MEGF10: variants seen among roughly 807,000 people sequenced by gnomAD.
MEGF10 encodes the protein multiple EGF like domains 10.
In MEGF10, 86 loss-of-function variants were observed where a neutral mutation model predicts 147.5. That is an observed-to-expected ratio of 0.58 (90% confidence interval 0.49 to 0.70). The LOEUF is 0.70. MEGF10 is among the 30% of genes least tolerant of loss of function. The pLI is 0.00. For missense variants in MEGF10, 1,329 were observed against 1,487.3 expected (o/e 0.89, Z 1.75); for synonymous variants, 478 against 525.5 (o/e 0.91, Z 1.24).
intron 5 of MEGF10, among the ~76,000 whole-genome samples, chr5:127,380,560 C>T (rs901218605): frequency 6.6e-5 from 10 of 151,576 alleles, no homozygotes; most frequent in South Asian, 2.1e-4. Flanking sequence ...CATTGTCACC[C>T]GGGCTGGAGT....
chr5:127,435,681 A>G (rs762172007), intron 16 of MEGF10, among the ~76,000 whole-genome samples, 192 bp downstream of exon 16: 2 of 150,856 alleles, frequency 1.3e-5, no homozygotes, highest in African/African-American at 2.4e-5. Flanking sequence ...CAATGGTCCT[A>G]TGTTTAAATC....
chr5:127,321,059 G>A (rs1039528412), intron 1 of MEGF10, among the ~76,000 whole-genome samples: 4 of 152,190 alleles, frequency 2.6e-5, no homozygotes, highest in African/African-American at 9.7e-5. Flanking sequence ...CAATACACAG[G>A]TGAAGTGTTA....
At chr5:127,231,297 T>G in the MEGF10 span, among the ~76,000 whole-genome samples, 1 of 152,256 alleles carries the variant, frequency 6.6e-6, no homozygotes, top group Admixed American at 6.5e-5. Flanking sequence ...AGATCCTCCA[T>G]GAGCTCATCC....
rs1491263807 is a variant in MEGF10, at chr5:127,325,910, T to TATA, written c.-18-5381_-18-5380insATA. ...GTGTATATATATATATATATATATA[T>TATA]TTTTTTTTTTTTAAGACAGGGACTT... On this transcript the variant is annotated intron_variant, in intron 1 of 24. Coordinates refer to ENST00000503335, the MANE Select transcript of MEGF10 (RefSeq NM_001256545.2). Among the ~76,000 whole-genome samples, 19 of 17,644 alleles carry TATA rather than the reference T, an allele frequency of 1.1e-3. 1 individual carries two copies. Among genetic ancestry groups the TATA allele is most frequent in the South Asian group, 8.3e-3 (7 of 848 alleles). 11.6% of individuals were successfully genotyped at this position (17,644 alleles called of 152,430 possible).
intron 5 of MEGF10, among the ~76,000 whole-genome samples, chr5:127,385,410 T>G (rs1252846579): frequency 6.6e-6 from 1 of 152,078 alleles, no homozygotes; most frequent in Admixed American, 6.5e-5. Context: ...AGTGCTGGGA[T>G]TACAGGTACG....
intron 1 of MEGF10, among the ~76,000 whole-genome samples, chr5:127,297,386 A>G (rs1759550062): frequency 6.6e-6 from 1 of 152,220 alleles, no homozygotes; most frequent in Admixed American, 6.5e-5. Context: ...ATGCCCATAT[A>G]AAATATCTCA....
At chr5:127,354,158 T>A (rs528309251) in intron 4 of MEGF10, among the ~76,000 whole-genome samples, 2 of 152,206 alleles carry the variant, frequency 1.3e-5, no homozygotes, top group African/African-American at 4.8e-5. Flanking sequence ...GGTGTCTATA[T>A]GAAAAATAGT....
intron 4 of MEGF10, among the ~76,000 whole-genome samples, chr5:127,358,002 G>A (rs939068302): frequency 6.6e-6 from 1 of 152,162 alleles, no homozygotes; most frequent in Admixed American, 6.5e-5. Context: ...TTGAGTTTGT[G>A]TTCCCTGGTT....
chr5:127,374,573 C>T (rs1339063695), intron 5 of MEGF10, among the ~76,000 whole-genome samples: 1 of 152,142 alleles, frequency 6.6e-6, no homozygotes, highest in African/African-American at 2.4e-5. Context: ...TGAACATGCT[C>T]ATACTCTCTT....
chr5:127,434,327 CTTAT>C, intron 14 of MEGF10, among the ~76,000 whole-genome samples: 1 of 152,134 alleles, frequency 6.6e-6, no homozygotes, highest in Non-Finnish European at 1.5e-5. Context: ...TTTGAGAGTA[CTTAT>C]TTGAGACTTA....
In MEGF10 at chr5:127,445,272, A is replaced by G. The variant is rs1295952130; in HGVS notation, c.2492-185A>G. 7 of 598,746 alleles carry G rather than the reference A, an allele frequency of 1.2e-5. No individual in the cohort carries two copies. The East Asian group carries it at 2.0e-4, about 17-fold the overall frequency. The allele number at this position is 598,746 out of a possible 1,614,324, so 37.1% of individuals were successfully genotyped here. On this transcript the variant is annotated intron_variant, in intron 19 of 24. Coordinates refer to ENST00000503335, the MANE Select transcript of MEGF10 (RefSeq NM_001256545.2). ...GGCTTACAGCAGCCTTTCTCTGGGC[A>G]TGGATAGGCCGACAACATCTGACAA... is the stretch of plus-strand genomic sequence containing the variant.
At chr5:127,385,002 G>T (rs932063710) in intron 5 of MEGF10, among the ~76,000 whole-genome samples, 1 of 152,184 alleles carries the variant, frequency 6.6e-6, no homozygotes, top group African/African-American at 2.4e-5. Flanking sequence ...GGCTTAAGAA[G>T]AAAGGGTGTA....
intron 13 of MEGF10, among the ~76,000 whole-genome samples, chr5:127,431,226 A>C (rs1231845671): frequency 1.3e-5 from 2 of 152,204 alleles, no homozygotes; most frequent in Non-Finnish European, 2.9e-5. Flanking sequence ...AAGTTATGAA[A>C]GAGAGGATCT....
At chr5:127,251,063 A>G in the MEGF10 span, among the ~76,000 whole-genome samples, 5 of 152,086 alleles carry the variant, frequency 3.3e-5, no homozygotes, top group African/African-American at 1.2e-4. Flanking sequence ...TAGAAATGTA[A>G]TGCAATCCTA....
chr5:127,331,273 A>AT lies in MEGF10; in HGVS notation c.-18-12dup, dbSNP rs774762160. 2.2e-5 allele frequency: 29 copies of AT among 1,335,974 alleles called. No individual in the cohort carries two copies. The Admixed American group carries it at 3.5e-4, about 16-fold the overall frequency. The allele number at this position is 1,335,974 out of a possible 1,614,324, so 82.8% of individuals were successfully genotyped here. ...TCATTTCAATGCATTTCTAATTGGG[A>AT]TTTTTTCTTTCTTGTAGGTTGTTCT... On this transcript the variant is annotated splice_polypyrimidine_tract_variant and intron_variant, in intron 1 of 24. Transcript: ENST00000503335.
At chr5:127,383,633 T>C (rs890488332) in intron 5 of MEGF10, among the ~76,000 whole-genome samples, 35 of 152,050 alleles carry the variant, frequency 2.3e-4, no homozygotes, top group African/African-American at 8.2e-4. Context: ...GAAGAACATA[T>C]ATTAAAACTA....
In MEGF10 at chr5:127,460,782, C is replaced by A. The variant is rs940227559; in HGVS notation, c.*3464C>A. 1 of 152,022 alleles carries A rather than the reference C, an allele frequency of 6.6e-6. No individual in the cohort carries two copies. The highest frequency in any genetic ancestry group is 6.6e-5 in the Admixed American group (1 of 15,260). The allele number at this position is 152,022 out of a possible 1,614,324, so 9.4% of individuals were successfully genotyped here. A position where few individuals can be genotyped will look rare whatever the true frequency, so the allele number is the denominator to read the frequency against. On this transcript the variant is annotated 3_prime_UTR_variant, in exon 25 of 25. Coordinates refer to ENST00000503335, the MANE Select transcript of MEGF10 (RefSeq NM_001256545.2). Reference sequence around the variant, plus strand: ...AAATAATGAATTTTCTATCTCTAGGCAACATGTCTTTATTATTCAAGCTGA... The same window carrying A: ...AAATAATGAATTTTCTATCTCTAGGAAACATGTCTTTATTATTCAAGCTGA...
chr5:127,430,724 A>C (rs1277071156), intron 13 of MEGF10, among the ~76,000 whole-genome samples: 1 of 152,214 alleles, frequency 6.6e-6, no homozygotes, highest in Non-Finnish European at 1.5e-5. Flanking sequence ...AAGAGGGTAC[A>C]GCAAGAGGAG....
intron 5 of MEGF10, among the ~76,000 whole-genome samples, chr5:127,386,980 C>T (rs144352138): frequency 3.9e-5 from 6 of 152,282 alleles, no homozygotes; most frequent in South Asian, 4.1e-4. Context: ...GGTTCTGTAG[C>T]GATGAATTGG....
Sources: allele counts gnomAD v4.1 joint callset (sites outside exome capture counted in the v4.1 genomes callset), GRCh38; gene constraint gnomAD v4.1.1; transcripts MANE v1.5; gene names NCBI Gene and HGNC (gene_info 2026-07-23, HGNC 2026-07-21).